BCAS3: variants seen among roughly 807,000 people sequenced by gnomAD.
BCAS3 encodes the protein BCAS3 microtubule associated cell migration factor.
A neutral mutation model predicts 116.1 loss-of-function variants in BCAS3; 53 were observed. The ratio of observed to expected loss-of-function variants is 0.46; its 90% CI spans 0.37 to 0.57. BCAS3 has a LOEUF of 0.57. Among genes scored for constraint, BCAS3 ranks in the 20% least tolerant of loss-of-function variants. BCAS3 has a pLI of 0.00. For synonymous variants in BCAS3, 391 were observed against 408.2 expected (o/e 0.96, Z 0.51); for missense variants, 917 against 1,165.4 (o/e 0.79, Z 3.10).
At chr17:61,030,555 C>G (rs147949953) in intron 16 of BCAS3, among the ~76,000 whole-genome samples, 104 of 152,160 alleles carry the variant, frequency 6.8e-4, no homozygotes, top group African/African-American at 2.2e-3. Flanking sequence ...ATAACTTCCT[C>G]TGATTGCAGT....
intron 12 of BCAS3, among the ~76,000 whole-genome samples, chr17:60,922,183 A>G (rs1231483448): frequency 6.6e-6 from 1 of 151,944 alleles, no homozygotes. Flanking sequence ...CTGGAGTGCA[A>G]TGGCACGATC....
At chr17:61,212,163 A>G (rs1421032396) in intron 22 of BCAS3, among the ~76,000 whole-genome samples, 3 of 152,246 alleles carry the variant, frequency 2.0e-5, no homozygotes, top group African/African-American at 7.2e-5. Flanking sequence ...AGGATTATAC[A>G]AAAAGCATAC....
chr17:61,341,848 A>G (rs986853041), intron 22 of BCAS3, among the ~76,000 whole-genome samples: 2 of 152,244 alleles, frequency 1.3e-5, no homozygotes, highest in Non-Finnish European at 2.9e-5. Flanking sequence ...ACAAGTGGGT[A>G]CTCCCTTTCA....
At chr17:61,207,999 T>A (rs2081244926) in intron 22 of BCAS3, among the ~76,000 whole-genome samples, 1 of 152,220 alleles carries the variant, frequency 6.6e-6, no homozygotes, top group African/African-American at 2.4e-5. Flanking sequence ...GGAAAATTAC[T>A]ATTAGTCTTT....
chr17:60,968,215 C>T (rs911905382), intron 14 of BCAS3, among the ~76,000 whole-genome samples: 15 of 151,892 alleles, frequency 9.9e-5, no homozygotes, highest in African/African-American at 3.6e-4. Flanking sequence ...TTGCTTAGTG[C>T]ATTTTTTTTA....
At chr17:60,782,809 A>C (rs1385362971) in intron 6 of BCAS3, among the ~76,000 whole-genome samples, 1 of 151,304 alleles carries the variant, frequency 6.6e-6, no homozygotes, top group African/African-American at 2.4e-5. Context: ...GATGGTCTTG[A>C]TCTCTTGACC....
chr17:61,049,372 A>C (rs1324821258), intron 19 of BCAS3, among the ~76,000 whole-genome samples: 2 of 152,014 alleles, frequency 1.3e-5, no homozygotes, highest in African/African-American at 2.4e-5. Flanking sequence ...AGAGCAAGAT[A>C]AAGATCTTGT....
chr17:61,038,276 A>AT (rs1157013916), intron 18 of BCAS3, among the ~76,000 whole-genome samples: 4,083 of 136,694 alleles, frequency 0.03, 85 homozygotes, highest in Middle Eastern at 0.051. Flanking sequence ...AGTTTCTAGA[A>AT]TTTTTTTTTT....
Position 61,276,384 on chromosome 17 carries a change from T to C in BCAS3, c.2426-91943T>C, listed in dbSNP as rs934930364. On this transcript the variant is annotated intron_variant, in intron 22 of 23. Coordinates refer to ENST00000407086, the MANE Select transcript of BCAS3 (RefSeq NM_017679.5). This position sits in a 1 kb window ranked among gnomAD's most constrained non-coding sequence, Gnocchi z 4.2. ...AAACAAACAAACAAACAAAAATCAC[T>C]TGTGTTTCTATACAGTAGCAATGAG... Among the ~76,000 whole-genome samples the C allele has an allele frequency of 6.6e-5, 10 of 152,064 alleles. No homozygotes were observed. Among genetic ancestry groups the C allele is most frequent in the African/African-American group, 2.2e-4 (9 of 41,428 alleles).
At chr17:61,234,630 C>A (rs1230769408) in intron 22 of BCAS3, among the ~76,000 whole-genome samples, 1 of 152,102 alleles carries the variant, frequency 6.6e-6, no homozygotes, top group African/African-American at 2.4e-5. Context: ...TCCAGACCAG[C>A]TTAGAGCTCA....
At chr17:61,284,508 G>A (rs1230950528) in intron 22 of BCAS3, among the ~76,000 whole-genome samples, 1 of 152,158 alleles carries the variant, frequency 6.6e-6, no homozygotes, top group Non-Finnish European at 1.5e-5. Flanking sequence ...CATCGCGAGG[G>A]TCCGCGGCTG....
At chr17:60,845,830 T>C (rs1362681918) in intron 7 of BCAS3, among the ~76,000 whole-genome samples, 4 of 151,406 alleles carry the variant, frequency 2.6e-5, no homozygotes, top group Non-Finnish European at 5.9e-5. Context: ...AGTCTCACTT[T>C]GTCATAGCTC....
intron 13 of BCAS3, among the ~76,000 whole-genome samples, chr17:60,925,162 T>A (rs894059266): frequency 6.6e-6 from 1 of 152,128 alleles, no homozygotes; most frequent in African/African-American, 2.4e-5. Context: ...CTCAAGTAAT[T>A]CTCCTGCCTT....
intron 15 of BCAS3, among the ~76,000 whole-genome samples, chr17:60,998,783 T>C (rs2064017437): frequency 6.6e-6 from 1 of 152,178 alleles, no homozygotes; most frequent in East Asian, 1.9e-4. Context: ...GTAGATTGTC[T>C]GTTTACTCTG....
chr17:61,104,525 T>C lies in BCAS3; in HGVS notation c.2425+19961T>C, dbSNP rs2074522018. On this transcript the variant is annotated intron_variant, in intron 22 of 23. Coordinates refer to ENST00000407086, the MANE Select transcript of BCAS3 (RefSeq NM_017679.5). The surrounding 1 kb of genome is among the most constrained non-coding windows in gnomAD (Gnocchi z 4.1). ...GGCAACCTTTGGGGATTGAGATATA[T>C]GCCTTTCAGATCTGCACTTCATCTC... Among the ~76,000 whole-genome samples the C allele has an allele frequency of 6.6e-6, 1 of 152,182 alleles. No homozygotes were observed. Among genetic ancestry groups the C allele is most frequent in the East Asian group, 1.9e-4 (1 of 5,196 alleles).
chr17:61,306,713 C>T (rs1401081891), intron 22 of BCAS3, among the ~76,000 whole-genome samples: 1 of 152,026 alleles, frequency 6.6e-6, no homozygotes, highest in Admixed American at 6.6e-5. Flanking sequence ...GAGCTCAAGG[C>T]TGCGGTGAGC....
intron 12 of BCAS3, among the ~76,000 whole-genome samples, chr17:60,921,184 A>G (rs527884617): frequency 7.7e-4 from 118 of 152,350 alleles, no homozygotes; most frequent in African/African-American, 2.8e-3. Flanking sequence ...AGTGGATTCA[A>G]TAAAGGAAAT....
chr17:61,110,284 G>C, intron 22 of BCAS3, among the ~76,000 whole-genome samples: 2 of 152,308 alleles, frequency 1.3e-5, no homozygotes, highest in South Asian at 4.1e-4. Flanking sequence ...AGCTCCCAGC[G>C]TGAGCGACGC....
chr17:61,234,089 T>G (rs1436870077), intron 22 of BCAS3, among the ~76,000 whole-genome samples: 1 of 152,160 alleles, frequency 6.6e-6, no homozygotes, highest in Non-Finnish European at 1.5e-5. Context: ...TAAAGATTAG[T>G]ACTGGTCTAA....
Sources: gnomAD v4.1 joint callset for allele counts (sites outside exome capture counted in the v4.1 genomes callset) on GRCh38, gnomAD v4.1.1 for gene constraint, Gnocchi (gnomAD v3.1) non-coding constraint, MANE v1.5 for transcripts, NCBI Gene and HGNC (gene_info 2026-07-23, HGNC 2026-07-21) for gene names.